The following NDUFV3 variants were observed in gnomAD, a reference collection of about 807,000 sequenced individuals.
NDUFV3 encodes NADH dehydrogenase [ubiquinone] flavoprotein 3, mitochondrial.
In NDUFV3, 44 loss-of-function variants were observed where a neutral mutation model predicts 37.5. The observed-to-expected ratio is 1.17, with a 90% CI of 0.92 to 1.51. NDUFV3 has a LOEUF of 1.51. Among genes scored for constraint, NDUFV3 ranks in the 40% most tolerant of loss-of-function variants. The pLI, the probability that NDUFV3 is intolerant of heterozygous loss-of-function variation, is 0.00. For synonymous variants in NDUFV3, 235 were observed against 239.3 expected (o/e 0.98, Z 0.17); for missense variants, 580 against 580.4 (o/e 1.00, Z 0.01).
At position 42,904,022 on chromosome 21, in the gene NDUFV3, C is replaced by T. The variant is rs1477166677; in HGVS notation, c.1010C>T (p.Pro337Leu). ...PGAAEGHLEK[P>L]VPEPQRKAAP... ...GCGGCAGAGGGGCATCTGGAAAAAC[C>T]CGTGCCAGAGCCCCAGCGCAAGGCG... The change falls in exon 3 of 4, where the codon CCC (proline) becomes CTC (leucine). Residue 337 changes from proline (P) to leucine (L), a missense_variant. Pro to Leu is a moderately conservative substitution (Grantham distance 98). Transcript: ENST00000354250. The T allele has an allele frequency of 3.1e-6, 5 of 1,614,116 alleles. No homozygotes were observed. In the East Asian group the frequency reaches 1.1e-4, roughly 36 times the overall value.
In NDUFV3 at chr21:42,905,818, T is replaced by C. The variant is rs369519595; in HGVS notation, c.1264+1542T>C. ...GGCATGAGCCACCGTGCCTAGCGTGTGGAGGCTTTTAAAGGGCAACAGTAT... is the reference window on the plus strand; with the variant it reads ...GGCATGAGCCACCGTGCCTAGCGTGCGGAGGCTTTTAAAGGGCAACAGTAT... On this transcript the variant is annotated intron_variant, in intron 3 of 3. Coordinates refer to ENST00000354250, the MANE Select transcript of NDUFV3 (RefSeq NM_021075.4). 8.9e-5 allele frequency among the ~76,000 whole-genome samples: 13 copies of C among 146,432 alleles called. No homozygotes were observed. The East Asian group carries it at 2.5e-3, about 28-fold the overall frequency.
At chr21:42,897,703 G>A (rs1222330703) in intron 2 of NDUFV3, among the ~76,000 whole-genome samples, 1 of 150,462 alleles carries the variant, frequency 6.6e-6, no homozygotes, top group South Asian at 2.1e-4. Flanking sequence ...TTGAGATGGA[G>A]TCCTGCTCTG....
At chr21:42,907,133 T>C (rs1214183072) in intron 3 of NDUFV3, among the ~76,000 whole-genome samples, 1 of 152,208 alleles carries the variant, frequency 6.6e-6, no homozygotes, top group Non-Finnish European at 1.5e-5. Context: ...TGTTATATTG[T>C]GTGTCCTGCT....
Position 42,907,130 on chromosome 21 carries a change from T to C in NDUFV3, c.1265-1734T>C, listed in dbSNP as rs370871224. On this transcript the variant is annotated intron_variant, in intron 3 of 3. Coordinates refer to ENST00000354250, the MANE Select transcript of NDUFV3 (RefSeq NM_021075.4). The stretch of plus-strand genomic sequence containing the variant: ...GTTTTGATTTTGCCATTATGTTATA[T>C]TGTGTGTCCTGCTGCAGGAGACCAG... Among the ~76,000 whole-genome samples, 7 of 152,300 alleles carry C rather than the reference T, an allele frequency of 4.6e-5. No homozygotes were observed. In the South Asian group the frequency reaches 1.5e-3, roughly 32 times the overall value.
In NDUFV3 at chr21:42,911,620, T is replaced by C. The variant is rs1272122397; in HGVS notation, c.*2599T>C. 6.6e-6 allele frequency: 1 copy of C among 152,020 alleles called. No individual in the cohort carries two copies. Among genetic ancestry groups the C allele is most frequent in the African/African-American group, 2.4e-5 (1 of 41,358 alleles). The allele number at this position is 152,020 out of a possible 1,614,324, so 9.4% of individuals were successfully genotyped here. On this transcript the variant is annotated 3_prime_UTR_variant, in exon 4 of 4. Transcript: ENST00000354250. ...CCATGTCCGCCTAATTTTTCTATTT[T>C]TTGTAGAGACAGGGTTCAAGAGATC... is the stretch of plus-strand genomic sequence containing the variant.
chr21:42,896,870 A>G, intron 1 of NDUFV3, 57 bp from the exon 2 acceptor site: 1 of 1,537,780 alleles, frequency 6.5e-7, no homozygotes, highest in East Asian at 2.3e-5. Context: ...CATATATAGT[A>G]CCAGCTATTA....
intron 3 of NDUFV3, among the ~76,000 whole-genome samples, 156 bp from the exon 4 acceptor site, chr21:42,908,708 G>A (rs956184052): frequency 2.7e-5 from 4 of 148,328 alleles, no homozygotes; most frequent in African/African-American, 1.0e-4. Flanking sequence ...TGCTTGGTAG[G>A]TAAGCGCCTG....
intron 1 of NDUFV3, 121 bp from the exon 2 acceptor site, chr21:42,896,806 T>C (rs2058693424): frequency 9.7e-7 from 1 of 1,034,160 alleles, no homozygotes; most frequent in Non-Finnish European, 1.4e-6. Context: ...GCCACTGCAC[T>C]CCAGCCTGGA....
At chr21:42,902,150 G>C (rs979228790) in intron 2 of NDUFV3, among the ~76,000 whole-genome samples, 1 of 152,082 alleles carries the variant, frequency 6.6e-6, no homozygotes, top group African/African-American at 2.4e-5. Flanking sequence ...AGAGGTTGCG[G>C]TGACTGGAGA....
intron 2 of NDUFV3, among the ~76,000 whole-genome samples, chr21:42,899,166 A>G (rs2058707330): frequency 6.6e-6 from 1 of 152,080 alleles, no homozygotes; most frequent in Non-Finnish European, 1.5e-5. Flanking sequence ...GGTGGTTGTG[A>G]GACTGGCTGC....
At position 42,904,131 on chromosome 21, in the gene NDUFV3, T is replaced by C; in HGVS notation, c.1119T>C (p.Asp373=). The change falls in exon 3 of 4, where the codon GAT becomes GAC. Residue 373 remains aspartate (D), a synonymous_variant. Transcript: ENST00000354250. ...HLKGGQAIVE[D]QIPPSNLETV... is the part of the protein sequence containing the mutation. Reference sequence around the variant, plus strand: ...AGGGTGGACAGGCAATCGTGGAAGATCAGATACCACCAAGCAATTTGGAGA... The same window carrying C: ...AGGGTGGACAGGCAATCGTGGAAGACCAGATACCACCAAGCAATTTGGAGA... 7.4e-6 allele frequency: 12 copies of C among 1,614,204 alleles called. No homozygotes were observed. Among genetic ancestry groups the C allele is most frequent in the East Asian group, 2.2e-5 (1 of 44,884 alleles).
Position 42,904,004 on chromosome 21 carries a change from A to T in NDUFV3, c.992A>T (p.Glu331Val). Reference protein sequence around the residue: ...QLQASPPGAAEGHLEKPVPEP... With the variant: ...QLQASPPGAAVGHLEKPVPEP... ...CAAGCCAGTCCTCCTGGGGCGGCAG[A>T]GGGGCATCTGGAAAAACCCGTGCCA... The change falls in exon 3 of 4, where the codon GAG (glutamate) becomes GTG (valine). Residue 331 changes from glutamate (E) to valine (V), a missense_variant. Transcript: ENST00000354250. 6.2e-7 allele frequency: 1 copy of T among 1,614,140 alleles called. No individual in the cohort carries two copies. Among genetic ancestry groups the T allele is most frequent in the South Asian group, 1.1e-5 (1 of 91,088 alleles).
At chr21:42,898,897 T>C (rs185502181) in intron 2 of NDUFV3, among the ~76,000 whole-genome samples, 33 of 152,380 alleles carry the variant, frequency 2.2e-4, no homozygotes, top group African/African-American at 7.5e-4. Flanking sequence ...CATAGACTTA[T>C]GAATTTGGAT....
Position 42,893,355 on chromosome 21 carries a change from C to G in NDUFV3, c.22C>G (p.Arg8Gly). Reference sequence around the variant, plus strand: ...CGCCATGGCTGCCCCGTGTTTGCTGCGGCAAGGACGAGCCGGGGCGCTGAA... The same window carrying G: ...CGCCATGGCTGCCCCGTGTTTGCTGGGGCAAGGACGAGCCGGGGCGCTGAA... Reference protein sequence around the residue: MAAPCLLRQGRAGALKTM... With the variant: MAAPCLLGQGRAGALKTM... The change falls in exon 1 of 4, where the codon CGG (arginine) becomes GGG (glycine). Residue 8 changes from arginine (R) to glycine (G), a missense_variant. By Grantham distance (125) the Arg-to-Gly change is moderately radical (BLOSUM62 -2). Transcript: ENST00000354250. The G allele has an allele frequency of 6.5e-7, 1 of 1,538,252 alleles. No individual in the cohort carries two copies. The highest frequency in any genetic ancestry group is 8.7e-7 in the Non-Finnish European group (1 of 1,146,380).
intron 1 of NDUFV3, among the ~76,000 whole-genome samples, chr21:42,896,521 G>A (rs1601213509): frequency 6.6e-6 from 1 of 151,566 alleles, no homozygotes; most frequent in South Asian, 2.1e-4. Context: ...CAAGTGATCC[G>A]CCCACCTCAG....
chr21:42,893,388 G>A lies in NDUFV3; in HGVS notation c.48+7G>A, dbSNP rs141846205. Reference sequence around the variant, plus strand: ...ACGAGCCGGGGCGCTGAAGGTAAAGGAGGAGCCAGCCTGGGCTGGCTGCGC... The same window carrying A: ...ACGAGCCGGGGCGCTGAAGGTAAAGAAGGAGCCAGCCTGGGCTGGCTGCGC... On this transcript the variant is annotated splice_region_variant and intron_variant, in intron 1 of 3. Coordinates refer to ENST00000354250, the MANE Select transcript of NDUFV3 (RefSeq NM_021075.4). 5.7e-3 allele frequency: 8,784 copies of A among 1,536,878 alleles called. 38 individuals carry two copies. Among genetic ancestry groups the A allele is most frequent in the Middle Eastern group, 0.018 (81 of 4,550 alleles).
Position 42,903,254 on chromosome 21 carries a change from C to G in NDUFV3, c.242C>G (p.Ser81Cys). 6.2e-7 allele frequency: 1 copy of G among 1,614,170 alleles called. No homozygotes were observed. The highest frequency in any genetic ancestry group is 8.5e-7 in the Non-Finnish European group (1 of 1,180,026). Residue 81 changes from serine (S) to cysteine (C), a missense_variant, in exon 3 of 4, where the codon TCT becomes TGT. Physicochemically the swap from Ser to Cys is moderately radical, Grantham distance 112. Coordinates refer to ENST00000354250, the MANE Select transcript of NDUFV3 (RefSeq NM_021075.4). ...QTAAELSKNL[S>C]SPSSYPPAVN... is the part of the protein sequence containing the mutation. ...GCAGCTGAATTGTCTAAAAACTTAT[C>G]TTCACCCAGTTCTTACCCGCCAGCT... is the stretch of plus-strand genomic sequence containing the variant.
In NDUFV3 at chr21:42,905,576, C is replaced by T. The variant is rs375728710; in HGVS notation, c.1264+1300C>T. Among the ~76,000 whole-genome samples, 28 of 152,192 alleles carry T rather than the reference C, an allele frequency of 1.8e-4. 1 individual carries two copies. The South Asian group carries it at 2.3e-3, about 12-fold the overall frequency. ...TGTTGCCCAGGCTGGAGTACAATGGCGCAATCTTGGCTCACTGTAACCTCC... is the reference window on the plus strand; with the variant it reads ...TGTTGCCCAGGCTGGAGTACAATGGTGCAATCTTGGCTCACTGTAACCTCC... On this transcript the variant is annotated intron_variant, in intron 3 of 3. Transcript: ENST00000354250.
chr21:42,906,883 G>T (rs756013930), intron 3 of NDUFV3: 2 of 518,944 alleles, frequency 3.9e-6, no homozygotes, highest in South Asian at 2.8e-5. Flanking sequence ...GTGGAGATTG[G>T]AAGGATGCCA....
Sources: gnomAD v4.1 joint callset for allele counts (sites outside exome capture counted in the v4.1 genomes callset) on GRCh38, gnomAD v4.1.1 for gene constraint, MANE v1.5 for transcripts, NCBI Gene and HGNC (gene_info 2026-07-23, HGNC 2026-07-21) for gene names.